Variants in PHF24 observed in about 807,000 individuals in gnomAD.
The protein encoded by PHF24 is Galpha inhibitory interacting protein.
In PHF24, 25 loss-of-function variants were observed where a neutral mutation model predicts 42.6. That is an observed-to-expected ratio of 0.59 (90% CI 0.43 to 0.82). PHF24 has a LOEUF of 0.82. Among genes scored for constraint, PHF24 ranks in the 40% least tolerant of loss-of-function variants. PHF24 has a pLI of 0.00. For synonymous variants in PHF24, 185 were observed against 204.8 expected (o/e 0.90, Z 0.83); for missense variants, 470 against 538.1 (o/e 0.87, Z 1.25).
chr9:34,716,731 T>A, the PHF24 span, among the ~76,000 whole-genome samples: 4 of 152,066 alleles, frequency 2.6e-5, no homozygotes, highest in African/African-American at 9.7e-5. Context: ...CTGGGACTAC[T>A]GATGTGACCC....
chr9:34,708,000 G>T, the PHF24 span, among the ~76,000 whole-genome samples: 1 of 152,086 alleles, frequency 6.6e-6, no homozygotes, highest in Non-Finnish European at 1.5e-5. Context: ...AAAGTGCTGG[G>T]ATTACAGGCC....
the PHF24 span, among the ~76,000 whole-genome samples, chr9:34,875,938 A>ACTCTCTCTCTCT: frequency 3.6e-4 from 32 of 88,514 alleles, no homozygotes; most frequent in African/African-American, 4.3e-4. Context: ...ACACACACAC[A>ACTCTCTCTCTCT]CACACACACA....
the PHF24 span, among the ~76,000 whole-genome samples, chr9:34,838,881 C>T: frequency 2.6e-5 from 4 of 152,286 alleles, no homozygotes; most frequent in South Asian, 2.1e-4. Context: ...GTGGTTAGGC[C>T]GGAGGAACCT....
At chr9:34,693,714 T>A in the PHF24 span, among the ~76,000 whole-genome samples, 1 of 152,092 alleles carries the variant, frequency 6.6e-6, no homozygotes, top group Non-Finnish European at 1.5e-5. Flanking sequence ...TGACAAAACA[T>A]CTGAAATCTG....
At chr9:34,735,538 C>T in the PHF24 span, among the ~76,000 whole-genome samples, 239 of 151,944 alleles carry the variant, frequency 1.6e-3, 1 homozygote, top group African/African-American at 5.3e-3. Flanking sequence ...CGGTGGCTCA[C>T]GCCTGTAATC....
At chr9:34,855,844 T>C in the PHF24 span, among the ~76,000 whole-genome samples, 10 of 152,254 alleles carry the variant, frequency 6.6e-5, no homozygotes, top group Non-Finnish European at 1.2e-4. Flanking sequence ...GAAGTTCTCC[T>C]GGATGATATC....
chr9:34,731,810 T>C, the PHF24 span, among the ~76,000 whole-genome samples: 5 of 152,178 alleles, frequency 3.3e-5, no homozygotes, highest in South Asian at 1.0e-3. Flanking sequence ...GTTGTATACC[T>C]AGCAGTGGTA....
chr9:34,714,546 C>T, the PHF24 span, among the ~76,000 whole-genome samples: 1 of 152,208 alleles, frequency 6.6e-6, no homozygotes, highest in East Asian at 1.9e-4. Flanking sequence ...ATAGAGCCAA[C>T]AAATGTGTAT....
chr9:34,971,382 G>A (rs1476359545), exon 2 of PHF24: 9 of 1,614,192 alleles, frequency 5.6e-6, no homozygotes, highest in Non-Finnish European at 7.6e-6. Flanking sequence ...AGGATGGGCT[G>A]CGGGACAGGC....
At chr9:34,682,793 T>C in the PHF24 span, among the ~76,000 whole-genome samples, 1 of 152,064 alleles carries the variant, frequency 6.6e-6, no homozygotes. Context: ...CTAGTAGTGA[T>C]GTGAAGGAGT....
At chr9:34,873,448 C>T in the PHF24 span, among the ~76,000 whole-genome samples, 3 of 151,118 alleles carry the variant, frequency 2.0e-5, no homozygotes, top group African/African-American at 7.3e-5. Flanking sequence ...CCAGCACCAT[C>T]TATTAAATAG....
chr9:34,721,718 C>G, the PHF24 span, among the ~76,000 whole-genome samples: 2 of 152,164 alleles, frequency 1.3e-5, no homozygotes, highest in African/African-American at 2.4e-5. Context: ...GCCGTCCACT[C>G]TCTCTGGAAT....
the PHF24 span, among the ~76,000 whole-genome samples, chr9:34,846,292 T>C: frequency 6.6e-6 from 1 of 152,194 alleles, no homozygotes; most frequent in Non-Finnish European, 1.5e-5. Flanking sequence ...ATTGCCATTC[T>C]AACTGGTGTG....
the PHF24 span, among the ~76,000 whole-genome samples, chr9:34,941,861 G>A: frequency 6.6e-6 from 1 of 152,062 alleles, no homozygotes; most frequent in Admixed American, 6.5e-5. Context: ...CATCACCTTG[G>A]GGGTTAGGAT....
At chr9:34,917,955 A>G in the PHF24 span, 29 of 1,530,406 alleles carry the variant, frequency 1.9e-5, no homozygotes, top group Non-Finnish European at 1.7e-5. Context: ...CACCAAGGCC[A>G]TGTGGGAGGA....
chr9:34,671,586 G>A, the PHF24 span, among the ~76,000 whole-genome samples: 2 of 152,144 alleles, frequency 1.3e-5, no homozygotes, highest in Non-Finnish European at 2.9e-5. Context: ...AAGAGAGCCT[G>A]TTCCTTGTCT....
chr9:34,729,556 C>G, the PHF24 span: 1 of 950,556 alleles, frequency 1.1e-6, no homozygotes, highest in Non-Finnish European at 1.5e-6. Flanking sequence ...GGCCACCAGA[C>G]TGCATCACAA....
At chr9:34,798,181 A>G in the PHF24 span, among the ~76,000 whole-genome samples, 1 of 152,142 alleles carries the variant, frequency 6.6e-6, no homozygotes, top group African/African-American at 2.4e-5. Context: ...CATGAAAAAG[A>G]GTCAATTTTT....
chr9:34,836,745 T>C, the PHF24 span, among the ~76,000 whole-genome samples: 1 of 152,182 alleles, frequency 6.6e-6, no homozygotes, highest in Admixed American at 6.5e-5. Context: ...CATGGGTGAC[T>C]TTCTCATGCA....
Sources: allele counts gnomAD v4.1 joint callset (sites outside exome capture counted in the v4.1 genomes callset), GRCh38; gene constraint gnomAD v4.1.1; transcripts MANE v1.5; gene names NCBI Gene and HGNC (gene_info 2026-07-23, HGNC 2026-07-21).